NPTXR: variants seen among roughly 807,000 people sequenced by gnomAD.
NPTXR encodes the protein neuronal pentraxin receptor.
A neutral mutation model predicts 32.2 loss-of-function variants in NPTXR; 12 were observed. That is an observed-to-expected ratio of 0.37 (90% confidence interval 0.24 to 0.60). NPTXR has a LOEUF of 0.60. Among genes scored for constraint, NPTXR ranks in the 20% least tolerant of loss-of-function variants. The pLI, the probability that NPTXR is intolerant of heterozygous loss-of-function variation, is 0.66. For missense variants in NPTXR, 612 were observed against 682.9 expected, an observed-to-expected ratio of 0.90 and a Z score of 1.16; for synonymous variants, 323 against 315.8, an observed-to-expected ratio of 1.02 and a Z score of -0.24.
rs1459442037 is a variant in NPTXR, at chr22:38,843,622, C to T, written c.237G>A (p.Ala79=). The change falls in exon 1 of 5, where the codon GCG becomes GCA. Residue 79 remains alanine (A), a synonymous_variant. Transcript: ENST00000333039. The surrounding 1 kb of genome is among the most constrained non-coding windows in gnomAD (Gnocchi z 5.3). ...CGGGCGGCAGCGGGTGCGCGCTGGC[C>T]GCGGGTGCCCCGGGCAGCGCGGGGG... The T allele has an allele frequency of 2.6e-6, 3 of 1,144,490 alleles. No individual in the cohort carries two copies. The highest frequency in any genetic ancestry group is 3.2e-6 in the Non-Finnish European group (3 of 933,732). 70.9% of individuals were successfully genotyped at this position (1,144,490 alleles called of 1,614,324 possible).
At chr22:38,828,842 C>A (rs78858416) in intron 1 of NPTXR, among the ~76,000 whole-genome samples, 1 of 152,220 alleles carries the variant, frequency 6.6e-6, no homozygotes, top group South Asian at 2.1e-4. Context: ...TGGGGCTGAA[C>A]GCCCCACCCT....
At chr22:38,832,769 C>G (rs116450188) in intron 1 of NPTXR, among the ~76,000 whole-genome samples, 5,568 of 152,320 alleles carry the variant, frequency 0.037, 141 homozygotes, top group East Asian at 0.11. Context: ...ATTCCTCAGG[C>G]TCACACTGAT....
chr22:38,842,150 G>A (rs539866730), intron 1 of NPTXR, among the ~76,000 whole-genome samples: 35 of 152,190 alleles, frequency 2.3e-4, no homozygotes, highest in Non-Finnish European at 4.9e-4. Context: ...AAAAAGCCCC[G>A]GGAGTAAGGG....
chr22:38,828,484 G>A lies in NPTXR; in HGVS notation c.653C>T (p.Ser218Leu). 1 of 1,607,742 alleles carries A rather than the reference G, an allele frequency of 6.2e-7. No homozygotes were observed. Among genetic ancestry groups the A allele is most frequent in the Non-Finnish European group, 8.5e-7 (1 of 1,177,626 alleles). Residue 218 changes from serine to leucine, a missense_variant, in exon 2 of 5, where the codon TCA becomes TTA. Ser to Leu is a moderately radical substitution (Grantham distance 145). Coordinates refer to ENST00000333039, the MANE Select transcript of NPTXR (RefSeq NM_014293.4). ...AGCAGAGACTGGGGCTGGGGCAGCT[G>A]AGAGGTTCACACGGGCTGGAAGCTC...
chr22:38,828,597 G>A, intron 1 of NPTXR, 85 bp from the exon 2 acceptor site: 1 of 1,130,122 alleles, frequency 8.8e-7, no homozygotes, highest in Non-Finnish European at 1.3e-6. Flanking sequence ...CCCCTGCTCA[G>A]TGACCCCAGG....
At chr22:38,837,845 T>TTTTTATTTTATTTTA (rs10530407) in intron 1 of NPTXR, among the ~76,000 whole-genome samples, 3,773 of 139,970 alleles carry the variant, frequency 0.027, 190 homozygotes, top group African/African-American at 0.089. Context: ...TTATTTTTAT[T>TTTTTATTTTATTTTA]TTTTATTTTA....
At position 38,843,448 on chromosome 22, in the gene NPTXR, C is replaced by T. The variant is rs912733700; in HGVS notation, c.411G>A (p.Ala137=). The change falls in exon 1 of 5, where the codon GCG becomes GCA. Residue 137 remains alanine, a synonymous_variant. Transcript: ENST00000333039. This position sits in a 1 kb window ranked among gnomAD's most constrained non-coding sequence, Gnocchi z 5.3. ...CGCGGATGCGCGCCTCCTGCTGCAG[C>T]GCCGTCTGGCGCAGCTGCTCGGCCG... 8.8e-6 allele frequency: 12 copies of T among 1,366,238 alleles called. No individual in the cohort carries two copies. In the African/African-American group the frequency reaches 1.7e-4, roughly 19 times the overall value. 84.6% of individuals were successfully genotyped at this position (1,366,238 alleles called of 1,614,324 possible). A position where few individuals can be genotyped will look rare whatever the true frequency, so the allele number is the denominator to read the frequency against.
chr22:38,825,740 G>A (rs2093105350), intron 3 of NPTXR, among the ~76,000 whole-genome samples: 1 of 152,112 alleles, frequency 6.6e-6, no homozygotes, highest in African/African-American at 2.4e-5. Flanking sequence ...GAGGGCCCGA[G>A]GGGCTGGCTC....
chr22:38,823,298 CCCCAAGG>C, intron 3 of NPTXR, 36 bp from the exon 4 acceptor site: 1 of 1,594,898 alleles, frequency 6.3e-7, no homozygotes. Context: ...GTCAGAGGTG[CCCCAAGG>C]CCCAAGGCCC....
At chr22:38,832,583 C>T (rs554863457) in intron 1 of NPTXR, among the ~76,000 whole-genome samples, 10 of 152,342 alleles carry the variant, frequency 6.6e-5, no homozygotes, top group Middle Eastern at 3.4e-3. Context: ...TGCCAGGCCC[C>T]GCACTAGGGA....
chr22:38,828,801 G>C (rs1331857758), intron 1 of NPTXR, among the ~76,000 whole-genome samples: 2 of 152,224 alleles, frequency 1.3e-5, no homozygotes, highest in East Asian at 3.9e-4. Flanking sequence ...TGAGTGCTGT[G>C]AAGGTCCCCC....
At chr22:38,832,981 A>T (rs1232120566) in intron 1 of NPTXR, among the ~76,000 whole-genome samples, 3 of 152,120 alleles carry the variant, frequency 2.0e-5, no homozygotes, top group Non-Finnish European at 2.9e-5. Flanking sequence ...GGCTGGGAGG[A>T]TGCAGGGAAA....
At chr22:38,828,250 GA>G in intron 2 of NPTXR, 36 bp downstream of exon 2, 1 of 1,539,222 alleles carries the variant, frequency 6.5e-7, no homozygotes, top group Non-Finnish European at 9.0e-7. Flanking sequence ...TCATCCTGAG[GA>G]CCCCTCCAAT....
rs1430881919 is a variant in NPTXR, at chr22:38,822,681, G to A, written c.1431C>T (p.Asp477=). The stretch of plus-strand genomic sequence containing the variant: ...CACCCCCAAAGGCCTCCACCAACTT[G>A]TCTTCCCAGGGAAGGACGTTGCCCA... Residue 477 remains aspartate, a synonymous_variant, in exon 5 of 5, where the codon GAC becomes GAT. Transcript: ENST00000333039. The A allele has an allele frequency of 3.1e-6, 5 of 1,614,106 alleles. No homozygotes were observed. Among genetic ancestry groups the A allele is most frequent in the Non-Finnish European group, 2.5e-6 (3 of 1,179,984 alleles).
intron 3 of NPTXR, among the ~76,000 whole-genome samples, chr22:38,825,973 G>A (rs1428559341): frequency 6.6e-6 from 1 of 151,960 alleles, no homozygotes; most frequent in African/African-American, 2.4e-5. Flanking sequence ...CTCCCGAGTA[G>A]CTGGGACTAC....
intron 1 of NPTXR, among the ~76,000 whole-genome samples, chr22:38,831,807 G>A (rs118190879): frequency 0.019 from 2,893 of 152,248 alleles, 35 homozygotes; most frequent in Middle Eastern, 0.037. Flanking sequence ...GCTGTGCACC[G>A]GGCCCATCAT....
At chr22:38,830,401 C>T (rs771030304) in intron 1 of NPTXR, among the ~76,000 whole-genome samples, 11 of 152,192 alleles carry the variant, frequency 7.2e-5, no homozygotes, top group South Asian at 2.1e-4. Context: ...CTCTTGCTGC[C>T]GGCTGAGCCT....
chr22:38,825,875 C>G (rs914747963), intron 3 of NPTXR, among the ~76,000 whole-genome samples: 1 of 143,074 alleles, frequency 7.0e-6, no homozygotes, highest in Non-Finnish European at 1.5e-5. Flanking sequence ...CAGAGTCTTC[C>G]TCTGTCGCCC....
intron 2 of NPTXR, among the ~76,000 whole-genome samples, chr22:38,828,044 A>G (rs2093110010): frequency 6.6e-6 from 1 of 152,218 alleles, no homozygotes; most frequent in Admixed American, 6.5e-5. Context: ...GGATTAAATC[A>G]GCTGATGTAT....
Sources: allele counts gnomAD v4.1 joint callset (sites outside exome capture counted in the v4.1 genomes callset), GRCh38; gene constraint gnomAD v4.1.1; non-coding constraint Gnocchi (gnomAD v3.1); transcripts MANE v1.5; gene names NCBI Gene and HGNC (gene_info 2026-07-23, HGNC 2026-07-21).